CFAP299: variants seen among roughly 807,000 people sequenced by gnomAD.
CFAP299 encodes cilia- and flagella-associated protein 299.
In CFAP299, 21 loss-of-function variants were observed where a neutral mutation model predicts 27.0. The ratio of observed to expected loss-of-function variants is 0.78; its 90% CI spans 0.55 to 1.12. The LOEUF is 1.12. Ranked by LOEUF, CFAP299 falls within the 50% of genes most tolerant of loss-of-function variation. CFAP299 has a pLI of 0.00. For synonymous variants in CFAP299, 104 were observed against 98.1 expected, an observed-to-expected ratio of 1.06 and a Z score of -0.36; for missense variants, 310 against 276.6, an observed-to-expected ratio of 1.12 and a Z score of -0.86.
At chr4:80,933,412 G>A (rs933059860) in intron 4 of CFAP299, among the ~76,000 whole-genome samples, 1 of 152,028 alleles carries the variant, frequency 6.6e-6, no homozygotes, top group Non-Finnish European at 1.5e-5. Flanking sequence ...CTTTCTGTCG[G>A]GCTTTTTTCA....
intron 2 of CFAP299, among the ~76,000 whole-genome samples, chr4:80,551,751 A>G (rs919775836): frequency 2.6e-5 from 4 of 151,364 alleles, no homozygotes; most frequent in African/African-American, 9.7e-5. Context: ...TGATATATCT[A>G]TGATTTTTTT....
chr4:80,388,783 T>C (rs1222837972), intron 2 of CFAP299: 1 of 474,116 alleles, frequency 2.1e-6, no homozygotes. Flanking sequence ...TTCTATGCTG[T>C]TAGTCATACC....
intron 2 of CFAP299, among the ~76,000 whole-genome samples, chr4:80,570,496 A>G (rs1735531030): frequency 6.6e-6 from 1 of 152,104 alleles, no homozygotes; most frequent in Admixed American, 6.6e-5. Flanking sequence ...GGAAATTAAT[A>G]TGACAAAACA....
intron 2 of CFAP299, among the ~76,000 whole-genome samples, chr4:80,560,467 G>A (rs906669293): frequency 3.9e-5 from 6 of 152,016 alleles, no homozygotes; most frequent in Non-Finnish European, 7.4e-5. Flanking sequence ...TGCACTTTAG[G>A]TACCAGCATA....
chr4:80,337,856 TAGAC>T (rs944955873), intron 1 of CFAP299, among the ~76,000 whole-genome samples: 40 of 152,166 alleles, frequency 2.6e-4, no homozygotes, highest in African/African-American at 9.4e-4. Context: ...TAATGATAAT[TAGAC>T]AGGTATATAT....
rs184541848 is a variant in CFAP299 at position 80,713,631 on chromosome 4, T to C, written c.333+130448T>C. Among the ~76,000 whole-genome samples the C allele has an allele frequency of 1.2e-4, 18 of 152,262 alleles. No individual in the cohort carries two copies. In the East Asian group the frequency reaches 3.5e-3, roughly 29 times the overall value. ...CTCGAGTGCAACCCTTACTACAACA[T>C]TGTAAGTGAGGTGCTTTTATTATCC... is the stretch of plus-strand genomic sequence containing the variant. On this transcript the variant is annotated intron_variant, in intron 3 of 5. Coordinates refer to ENST00000358105, the MANE Select transcript of CFAP299 (RefSeq NM_152770.3).
At chr4:80,652,894 A>G (rs1740380501) in intron 3 of CFAP299, among the ~76,000 whole-genome samples, 1 of 152,116 alleles carries the variant, frequency 6.6e-6, no homozygotes, top group South Asian at 2.1e-4. Flanking sequence ...TGACGTGCCT[A>G]TGCCTTATTG....
intron 2 of CFAP299, among the ~76,000 whole-genome samples, chr4:80,530,997 T>C (rs548739191): frequency 1.2e-3 from 188 of 152,312 alleles, no homozygotes; most frequent in African/African-American, 4.4e-3. Flanking sequence ...AGTATAAGAC[T>C]GGAATTTTTA....
intron 5 of CFAP299, among the ~76,000 whole-genome samples, chr4:80,962,004 A>T (rs905757231): frequency 6.6e-6 from 1 of 151,912 alleles, no homozygotes; most frequent in Admixed American, 6.6e-5. Flanking sequence ...ATAGCCAAAA[A>T]GGAAAATACA....
intron 2 of CFAP299, among the ~76,000 whole-genome samples, chr4:80,446,265 G>GTGGCAGCACTT (rs1560571223): frequency 6.6e-6 from 1 of 152,280 alleles, no homozygotes. Context: ...TCAGGGGAAA[G>GTGGCAGCACTT]TGGCAGCACT....
Position 80,941,995 on chromosome 4 carries a change from G to A in CFAP299, c.477-2815G>A, listed in dbSNP as rs189381349. On this transcript the variant is annotated intron_variant, in intron 4 of 5. Coordinates refer to ENST00000358105, the MANE Select transcript of CFAP299 (RefSeq NM_152770.3). ...TACAATTCAACATGAGATTTGGGAAGGGACACAGATCCAAACCATATCAAT... is the reference window on the plus strand; with the variant it reads ...TACAATTCAACATGAGATTTGGGAAAGGACACAGATCCAAACCATATCAAT... 4.1e-3 allele frequency among the ~76,000 whole-genome samples: 618 copies of A among 152,256 alleles called. 1 individual carries two copies. The highest frequency in any genetic ancestry group is 0.014 in the Middle Eastern group (4 of 294).
intron 5 of CFAP299, among the ~76,000 whole-genome samples, chr4:80,953,743 TA>T (rs1224927035): frequency 3.3e-5 from 5 of 152,232 alleles, no homozygotes; most frequent in African/African-American, 1.2e-4. Flanking sequence ...AATACATATA[TA>T]TTTTTTGAAT....
intron 3 of CFAP299, among the ~76,000 whole-genome samples, chr4:80,804,805 A>C (rs1251544119): frequency 6.6e-6 from 1 of 152,134 alleles, no homozygotes; most frequent in Non-Finnish European, 1.5e-5. Flanking sequence ...TAATTACATA[A>C]TGAGTTTTTA....
At chr4:80,916,907 G>A (rs1040996287) in intron 4 of CFAP299, among the ~76,000 whole-genome samples, 2 of 151,976 alleles carry the variant, frequency 1.3e-5, no homozygotes, top group East Asian at 3.9e-4. Flanking sequence ...AGAAAATCTA[G>A]AAATAGGGAG....
At chr4:80,519,051 A>G (rs1286015530) in intron 2 of CFAP299, among the ~76,000 whole-genome samples, 2 of 152,140 alleles carry the variant, frequency 1.3e-5, no homozygotes, top group South Asian at 2.1e-4. Flanking sequence ...TTTCATTAAC[A>G]TTGGTGATTA....
chr4:80,858,501 G>C (rs371951748), intron 3 of CFAP299, among the ~76,000 whole-genome samples: 1 of 151,968 alleles, frequency 6.6e-6, no homozygotes, highest in Admixed American at 6.6e-5. Context: ...TTGTGATGTT[G>C]GGGTGTCAAT....
intron 3 of CFAP299, among the ~76,000 whole-genome samples, chr4:80,640,621 G>A (rs1739677262): frequency 6.6e-6 from 1 of 152,064 alleles, no homozygotes; most frequent in Non-Finnish European, 1.5e-5. Context: ...TTAGTCCTGG[G>A]AATTTCATAA....
intron 2 of CFAP299, chr4:80,388,457 G>T: frequency 1.0e-6 from 1 of 990,024 alleles, no homozygotes; most frequent in Non-Finnish European, 1.6e-6. Context: ...GGTGACCAGC[G>T]AGACTGTGTC....
At chr4:80,462,490 A>C (rs1034917911) in intron 2 of CFAP299, among the ~76,000 whole-genome samples, 1 of 152,168 alleles carries the variant, frequency 6.6e-6, no homozygotes, top group Admixed American at 6.5e-5. Context: ...TTCTCTGACA[A>C]ATACAATTTT....
Sources: allele counts gnomAD v4.1 joint callset (sites outside exome capture counted in the v4.1 genomes callset), GRCh38; gene constraint gnomAD v4.1.1; transcripts MANE v1.5; gene names NCBI Gene and HGNC (gene_info 2026-07-23, HGNC 2026-07-21).